The following CLDN18 variants were observed in gnomAD, a reference collection of about 807,000 sequenced individuals.
The protein encoded by CLDN18 is claudin-18.
CLDN18 carries 20 observed loss-of-function variants against 25.0 expected under a neutral mutation model. The observed-to-expected ratio is 0.80, with a 90% confidence interval of 0.56 to 1.16. CLDN18 has a LOEUF of 1.16. Among genes scored for constraint, CLDN18 ranks in the 50% most tolerant of loss-of-function variants. CLDN18 has a pLI of 0.00. For synonymous variants in CLDN18, 125 were observed against 135.6 expected, an observed-to-expected ratio of 0.92 and a Z score of 0.54; for missense variants, 297 against 345.4, an observed-to-expected ratio of 0.86 and a Z score of 1.11.
chr3:138,023,858 T>A, intron 2 of CLDN18, 36 bp downstream of exon 2: 1 of 1,584,702 alleles, frequency 6.3e-7, no homozygotes, highest in Non-Finnish European at 8.6e-7. Context: ...CTTCTGCGAA[T>A]GTCAAAGCAA....
At chr3:138,027,727 A>G (rs1015742451) in intron 3 of CLDN18, among the ~76,000 whole-genome samples, 1 of 152,160 alleles carries the variant, frequency 6.6e-6, no homozygotes, top group Non-Finnish European at 1.5e-5. Flanking sequence ...TCACTCAACC[A>G]TCCATAGGGG....
intron 1 of CLDN18, among the ~76,000 whole-genome samples, chr3:138,020,217 C>T (rs1053008758): frequency 1.3e-5 from 2 of 152,198 alleles, no homozygotes; most frequent in Admixed American, 6.5e-5. Flanking sequence ...GAGCCAATTT[C>T]CTCCCACTTA....
At chr3:138,023,608 T>C in intron 1 of CLDN18, 50 bp from the exon 2 acceptor site, 1 of 1,587,116 alleles carries the variant, frequency 6.3e-7, no homozygotes, top group Non-Finnish European at 8.6e-7. Flanking sequence ...TAATCAAGTG[T>C]GCTGAGTTGG....
At chr3:138,000,531 TTTGGTTGGTTGGTTGG>T (rs953082345) in intron 1 of CLDN18, among the ~76,000 whole-genome samples, 1 of 151,430 alleles carries the variant, frequency 6.6e-6, no homozygotes, top group Non-Finnish European at 1.5e-5. Context: ...AGGTTGGTTG[TTTGGTTGGTTGGTTGG>T]TTGGTTGGTT....
intron 1 of CLDN18, chr3:137,999,142 A>G: frequency 6.6e-7 from 1 of 1,518,276 alleles, no homozygotes; most frequent in South Asian, 1.1e-5. Flanking sequence ...TGGAGAGGAA[A>G]CTGCAGGCTC....
At chr3:138,021,126 G>C (rs538149590) in intron 1 of CLDN18, among the ~76,000 whole-genome samples, 1 of 152,076 alleles carries the variant, frequency 6.6e-6, no homozygotes, top group African/African-American at 2.4e-5. Context: ...TTCCTTACTA[G>C]CTTTCACTAA....
chr3:138,005,321 C>A (rs893273209), upstream of CLDN18, among the ~76,000 whole-genome samples: 4 of 151,998 alleles, frequency 2.6e-5, no homozygotes, highest in African/African-American at 9.7e-5. Context: ...ATACATGTGC[C>A]ATAGTGGTTT....
intron 1 of CLDN18, among the ~76,000 whole-genome samples, chr3:138,000,151 C>T (rs573824178): frequency 2.6e-5 from 4 of 152,230 alleles, no homozygotes; most frequent in African/African-American, 4.8e-5. Context: ...CACTTATTTA[C>T]GGAGAGCTTC....
chr3:138,009,887 G>A, upstream of CLDN18: 1 of 299,448 alleles, frequency 3.3e-6, no homozygotes, highest in South Asian at 5.0e-5. Context: ...CTTTTCTCCA[G>A]ATGGCGGCGC....
chr3:138,025,298 T>C (rs1942313833), intron 3 of CLDN18, among the ~76,000 whole-genome samples: 1 of 152,166 alleles, frequency 6.6e-6, no homozygotes, highest in Admixed American at 6.5e-5. Flanking sequence ...CAGAGGGAGA[T>C]GAAACCCCAC....
In CLDN18 at chr3:138,029,821, C is replaced by T. The variant is rs376466507; in HGVS notation, c.528C>T (p.Phe176=). ...QTRYTFGAAL[F]VGWVAGGLTL... The stretch of plus-strand genomic sequence containing the variant: ...GGTACACATTTGGTGCGGCTCTGTT[C>T]GTGGGCTGGGTCGCTGGAGGCCTCA... Residue 176 remains phenylalanine, a synonymous_variant, in exon 4 of 5, where the codon TTC becomes TTT. Coordinates refer to ENST00000183605, the MANE Select transcript of CLDN18 (RefSeq NM_016369.4). The T allele has an allele frequency of 2.5e-4, 396 of 1,586,710 alleles. 1 individual carries two copies. Among genetic ancestry groups the T allele is most frequent in the Non-Finnish European group, 3.0e-4 (354 of 1,167,614 alleles).
chr3:138,020,528 G>T (rs986984134), intron 1 of CLDN18, among the ~76,000 whole-genome samples: 1 of 152,160 alleles, frequency 6.6e-6, no homozygotes, highest in African/African-American at 2.4e-5. Flanking sequence ...CTCATTGATT[G>T]CCGATTCTTC....
chr3:138,004,042 T>C (rs543847243), intron 1 of CLDN18, among the ~76,000 whole-genome samples: 2 of 151,970 alleles, frequency 1.3e-5, no homozygotes, highest in African/African-American at 2.4e-5. Context: ...GGTGTGGTGG[T>C]GCACGCCTGT....
chr3:138,019,464 C>T (rs1021987065), intron 1 of CLDN18, among the ~76,000 whole-genome samples: 15 of 152,180 alleles, frequency 9.9e-5, no homozygotes, highest in African/African-American at 3.6e-4. Flanking sequence ...CTCCCATCCG[C>T]CTACTCCACC....
chr3:138,022,854 C>A (rs1942285842), intron 1 of CLDN18, among the ~76,000 whole-genome samples: 1 of 152,224 alleles, frequency 6.6e-6, no homozygotes, highest in South Asian at 2.1e-4. Flanking sequence ...CATCCCATGG[C>A]CAGTCAGGAG....
At chr3:138,021,795 C>T (rs1942273083) in intron 1 of CLDN18, among the ~76,000 whole-genome samples, 1 of 152,130 alleles carries the variant, frequency 6.6e-6, no homozygotes, top group Admixed American at 6.5e-5. Context: ...TTCAGCAGCA[C>T]TCTGGTAATG....
chr3:138,018,936 C>T (rs996084838), intron 1 of CLDN18, among the ~76,000 whole-genome samples: 1 of 152,130 alleles, frequency 6.6e-6, no homozygotes, highest in Non-Finnish European at 1.5e-5. Flanking sequence ...AATTTTCTTC[C>T]CCTCTTGCCC....
chr3:138,030,819 A>C, intron 4 of CLDN18, 151 bp from the exon 5 acceptor site: 1 of 662,928 alleles, frequency 1.5e-6, no homozygotes, highest in East Asian at 2.6e-5. Context: ...CCAAAAACTA[A>C]GGTTACTAAC....
In CLDN18 at chr3:138,024,629, G is replaced by A. The variant is rs763802650; in HGVS notation, c.408G>A (p.Val136=). 15 of 1,612,500 alleles carry A rather than the reference G, an allele frequency of 9.3e-6. 1 individual carries two copies. The South Asian group carries it at 1.4e-4, about 15-fold the overall frequency. Residue 136 remains valine (V), a synonymous_variant, in exon 3 of 5, where the codon GTG becomes GTA. Transcript: ENST00000183605. ...IVSGLCAIAG[V]SVFANMLVTN... ...CAGGTCTTTGTGCAATTGCTGGAGTGTCTGTGTTTGCCAACATGCTGGTGA... is the reference window on the plus strand; with the variant it reads ...CAGGTCTTTGTGCAATTGCTGGAGTATCTGTGTTTGCCAACATGCTGGTGA...
Sources: gnomAD v4.1 joint callset for allele counts (sites outside exome capture counted in the v4.1 genomes callset) on GRCh38, gnomAD v4.1.1 for gene constraint, MANE v1.5 for transcripts, NCBI Gene and HGNC (gene_info 2026-07-23, HGNC 2026-07-21) for gene names.